The following CLCA2 variants were observed in gnomAD, a reference collection of about 807,000 sequenced individuals.
CLCA2 encodes chloride channel accessory 2, also known as calcium-activated chloride channel regulator 2.
CLCA2 carries 85 observed loss-of-function variants against 82.9 expected under a neutral mutation model. The observed-to-expected ratio is 1.03, with a 90% CI of 0.86 to 1.23. The LOEUF (loss-of-function observed/expected upper bound fraction) is 1.23, where lower values mean the gene tolerates loss of function less well. Among genes scored for constraint, CLCA2 ranks in the 50% most tolerant of loss-of-function variants. The pLI is 0.00. For missense variants in CLCA2, 1,089 were observed against 1,124.8 expected (o/e 0.97, Z 0.45); for synonymous variants, 421 against 391.7 (o/e 1.07, Z -0.88).
chr1:86,438,242 G>A (rs1279947847), intron 6 of CLCA2, among the ~76,000 whole-genome samples: 5 of 152,170 alleles, frequency 3.3e-5, no homozygotes, highest in African/African-American at 1.2e-4. Flanking sequence ...AGTTACCCTA[G>A]TGAATTAATC....
chr1:86,447,991 C>G, intron 11 of CLCA2: 1 of 585,258 alleles, frequency 1.7e-6, no homozygotes, highest in Admixed American at 3.2e-5. Context: ...CTCATAGTGT[C>G]TATGTTTGAG....
chr1:86,424,523 T>C, intron 1 of CLCA2, 90 bp downstream of exon 1: 1 of 1,120,840 alleles, frequency 8.9e-7, no homozygotes, highest in Non-Finnish European at 1.3e-6. Context: ...CTGGTTTGTA[T>C]TTGAGTAATA....
chr1:86,449,408 A>C (rs1406733804), intron 11 of CLCA2, among the ~76,000 whole-genome samples: 1 of 152,176 alleles, frequency 6.6e-6, no homozygotes, highest in Non-Finnish European at 1.5e-5. Flanking sequence ...TTTCTGCCTC[A>C]GTTATTAAAA....
At chr1:86,447,822 G>C in intron 11 of CLCA2, 44 bp downstream of exon 11, 1 of 1,575,890 alleles carries the variant, frequency 6.3e-7, no homozygotes, top group Non-Finnish European at 8.6e-7. Flanking sequence ...CTCAACAGCT[G>C]TTGTGATATG....
chr1:86,440,771 G>T (rs1662713856), intron 8 of CLCA2, among the ~76,000 whole-genome samples: 2 of 151,872 alleles, frequency 1.3e-5, no homozygotes, highest in South Asian at 4.1e-4. Flanking sequence ...CATGGTGGCG[G>T]GTCCCTATAC....
Position 86,432,423 on chromosome 1 carries a change from A to T in CLCA2, c.639A>T (p.Gln213His), listed in dbSNP as rs1312986333. The T allele has an allele frequency of 6.2e-7, 1 of 1,614,076 alleles. No individual in the cohort carries two copies. Among genetic ancestry groups the T allele is most frequent in the Non-Finnish European group, 8.5e-7 (1 of 1,179,982 alleles). ...TGTGTGAAAAAGGTCCTTGCCCCCAAGAAAACTGTATTATTAGTAAGCTTT... is the reference window on the plus strand; with the variant it reads ...TGTGTGAAAAAGGTCCTTGCCCCCATGAAAACTGTATTATTAGTAAGCTTT... The part of the protein sequence containing the change: ...IFVCEKGPCP[Q>H]ENCIISKLFK... Residue 213 changes from glutamine to histidine, a missense_variant, in exon 5 of 14, where the codon CAA (glutamine) becomes CAT (histidine). Physicochemically the swap from Gln to His is conservative, Grantham distance 24. Transcript: ENST00000370565.
At position 86,455,322 on chromosome 1, in the gene CLCA2, C is replaced by T; in HGVS notation, c.2627C>T (p.Ser876Phe). The stretch of plus-strand genomic sequence containing the variant: ...GCAATGGATAGGAACTCCTTACAGT[C>T]TGCTGTATCTAACATTGCCCAGGCG... The part of the protein sequence containing the change: ...IRAMDRNSLQ[S>F]AVSNIAQAPL... The change falls in exon 14 of 14, where the codon TCT becomes TTT. Residue 876 changes from serine (S) to phenylalanine (F), a missense_variant. Coordinates refer to ENST00000370565, the MANE Select transcript of CLCA2 (RefSeq NM_006536.7). The T allele has an allele frequency of 1.9e-6, 3 of 1,613,822 alleles. No individual in the cohort carries two copies. The highest frequency in any genetic ancestry group is 2.5e-6 in the Non-Finnish European group (3 of 1,179,914).
At chr1:86,432,273 G>T in intron 4 of CLCA2, 96 bp from the exon 5 acceptor site, 1 of 1,417,364 alleles carries the variant, frequency 7.1e-7, no homozygotes, top group East Asian at 2.3e-5. Context: ...ATATCTAGCA[G>T]GCTACAATCC....
chr1:86,451,315 A>G (rs770671342), intron 12 of CLCA2, among the ~76,000 whole-genome samples: 17 of 152,214 alleles, frequency 1.1e-4, no homozygotes, highest in Non-Finnish European at 2.4e-4. Context: ...TAATAGACCA[A>G]CAGAAATATA....
intron 6 of CLCA2, among the ~76,000 whole-genome samples, 181 bp downstream of exon 6, chr1:86,434,926 C>G (rs1558106687): frequency 6.6e-6 from 1 of 152,154 alleles, no homozygotes; most frequent in East Asian, 1.9e-4. Context: ...GTAAGCCCCG[C>G]CTGCATTAAC....
intron 1 of CLCA2, 29 bp from the exon 2 acceptor site, chr1:86,425,310 A>C: frequency 6.6e-7 from 1 of 1,508,056 alleles, no homozygotes; most frequent in South Asian, 1.3e-5. Context: ...ACAAGTGGTA[A>C]AGTAAGTTTT....
At chr1:86,433,325 G>T (rs1377547242) in intron 5 of CLCA2, among the ~76,000 whole-genome samples, 2 of 152,152 alleles carry the variant, frequency 1.3e-5, no homozygotes, top group Admixed American at 1.3e-4. Context: ...AGATCTGGGG[G>T]TACAGCCCAC....
chr1:86,447,592 T>C lies in CLCA2; in HGVS notation c.1798T>C (p.Ser600Pro), dbSNP rs767657860. The C allele has an allele frequency of 1.2e-6, 2 of 1,613,964 alleles. No individual in the cohort carries two copies. The highest frequency in any genetic ancestry group is 1.7e-6 in the Non-Finnish European group (2 of 1,180,020). Residue 600 changes from serine (S) to proline (P), a missense_variant, in exon 11 of 14, where the codon TCA (serine) becomes CCA (proline). Ser to Pro is a moderately conservative substitution (Grantham distance 74). Coordinates refer to ENST00000370565, the MANE Select transcript of CLCA2 (RefSeq NM_006536.7). ...GACAGTGACCTCTCGCGCCTCCAAC[T>C]CAGCTGTGCCCCCAGCCACTGTGGA... ...KVTVTSRASN[S>P]AVPPATVEAF...
In CLCA2 at chr1:86,452,694, T is replaced by C. The variant is rs191610827; in HGVS notation, c.2156-675T>C. Reference sequence around the variant, plus strand: ...TCAACCTTTAGGAAGCCTTTCAATGTTACCTCTTTGATACCACGCTAAATT... The same window carrying C: ...TCAACCTTTAGGAAGCCTTTCAATGCTACCTCTTTGATACCACGCTAAATT... On this transcript the variant is annotated intron_variant, in intron 12 of 13. Transcript: ENST00000370565. Among the ~76,000 whole-genome samples the C allele has an allele frequency of 2.0e-5, 3 of 152,306 alleles. No homozygotes were observed. In the East Asian group the frequency reaches 5.8e-4, roughly 29 times the overall value.
chr1:86,451,028 G>GT (rs1662952432), intron 12 of CLCA2, among the ~76,000 whole-genome samples: 1 of 152,100 alleles, frequency 6.6e-6, no homozygotes, highest in African/African-American at 2.4e-5. Flanking sequence ...GATTTACTGG[G>GT]TTTTCTCAGT....
At chr1:86,435,792 T>C (rs115342019) in intron 6 of CLCA2, among the ~76,000 whole-genome samples, 2,029 of 152,260 alleles carry the variant, frequency 0.013, 30 homozygotes, top group African/African-American at 0.04. Flanking sequence ...TAAACGAATA[T>C]ATGAAATACT....
chr1:86,443,794 GTAC>G lies in CLCA2; in HGVS notation c.1497_1499del (p.Ser499_Thr500delinsArg). The G allele has an allele frequency of 1.2e-6, 2 of 1,612,810 alleles. No individual in the cohort carries two copies. Among genetic ancestry groups the G allele is most frequent in the South Asian group, 2.2e-5 (2 of 90,984 alleles). On this transcript the variant is annotated inframe_deletion, in exon 10 of 14. Coordinates refer to ENST00000370565, the MANE Select transcript of CLCA2 (RefSeq NM_006536.7). ...ATATCTTCTCTTTAACAGCTTGAAA[GTAC>G]AGGTGAAAATGTCAAACCTCACCAT...
At chr1:86,435,945 G>A (rs899494302) in intron 6 of CLCA2, among the ~76,000 whole-genome samples, 75 of 138,686 alleles carry the variant, frequency 5.4e-4, no homozygotes, top group African/African-American at 1.9e-3. Context: ...AAAAAAAAAA[G>A]AGGCTTTTTC....
intron 3 of CLCA2, among the ~76,000 whole-genome samples, chr1:86,430,418 A>G (rs1458295349): frequency 6.6e-6 from 1 of 152,166 alleles, no homozygotes; most frequent in African/African-American, 2.4e-5. Flanking sequence ...TACCTGCAAG[A>G]AAAAAAGCAG....
Sources: gnomAD v4.1 joint callset for allele counts (sites outside exome capture counted in the v4.1 genomes callset) on GRCh38, gnomAD v4.1.1 for gene constraint, MANE v1.5 for transcripts, NCBI Gene and HGNC (gene_info 2026-07-23, HGNC 2026-07-21) for gene names.